SCEL: variants seen among roughly 807,000 people sequenced by gnomAD.
The protein encoded by SCEL is sciellin.
A neutral mutation model predicts 117.6 loss-of-function variants in SCEL; 113 were observed. The observed-to-expected ratio is 0.96, with a 90% CI of 0.83 to 1.12. The LOEUF is 1.12. Among genes scored for constraint, SCEL ranks in the 50% most tolerant of loss-of-function variants. The pLI is 0.00. For synonymous variants in SCEL, 270 were observed against 256.2 expected (o/e 1.05, Z -0.51); for missense variants, 785 against 810.8 (o/e 0.97, Z 0.39).
At chr13:77,609,277 A>G (rs1445382241) in intron 21 of SCEL, among the ~76,000 whole-genome samples, 160 bp downstream of exon 21, 1 of 152,220 alleles carries the variant, frequency 6.6e-6, no homozygotes, top group Non-Finnish European at 1.5e-5. Flanking sequence ...ATTTTGGTCA[A>G]CCAATTTCTG....
At chr13:77,635,927 A>T (rs73231009) in intron 29 of SCEL, among the ~76,000 whole-genome samples, 25,193 of 152,158 alleles carry the variant, frequency 0.17, 2,426 homozygotes, top group East Asian at 0.45. Flanking sequence ...CAGGCCCAGC[A>T]ACCTGTGTTT....
chr13:77,607,491 A>C (rs1310964382), intron 19 of SCEL, among the ~76,000 whole-genome samples: 1 of 152,256 alleles, frequency 6.6e-6, no homozygotes, highest in Non-Finnish European at 1.5e-5. Flanking sequence ...CAAAATTCAT[A>C]ATTCTAACAC....
intron 6 of SCEL, 133 bp from the exon 7 acceptor site, chr13:77,568,161 TA>T (rs1367236091): frequency 2.7e-5 from 17 of 624,036 alleles, no homozygotes; most frequent in East Asian, 2.5e-4. Context: ...TGAAATTTAT[TA>T]AAATATGATG....
At chr13:77,593,295 T>TGTGTGCACGC (rs796907419) in intron 11 of SCEL, among the ~76,000 whole-genome samples, 3 of 136,784 alleles carry the variant, frequency 2.2e-5, no homozygotes, top group African/African-American at 8.4e-5. Flanking sequence ...TGTGTGTGTG[T>TGTGTGCACGC]GTCTGTGTGT....
At chr13:77,597,413 T>C in intron 12 of SCEL, 132 bp from the exon 13 acceptor site, 1 of 576,948 alleles carries the variant, frequency 1.7e-6, no homozygotes, top group Non-Finnish European at 3.1e-6. Context: ...GCTTTGAGGA[T>C]CATCAGGATT....
intron 12 of SCEL, among the ~76,000 whole-genome samples, chr13:77,593,895 C>T (rs540630410): frequency 1.2e-3 from 187 of 152,272 alleles, no homozygotes; most frequent in Non-Finnish European, 2.4e-3. Flanking sequence ...CCTAGCACCA[C>T]CCCTCAGGAT....
At chr13:77,631,493 T>C (rs957535214) in intron 28 of SCEL, among the ~76,000 whole-genome samples, 3 of 152,174 alleles carry the variant, frequency 2.0e-5, no homozygotes, top group Non-Finnish European at 2.9e-5. Context: ...GTTTAGTTCA[T>C]AGTATGGTAC....
chr13:77,566,070 T>C (rs2085271013), intron 5 of SCEL, among the ~76,000 whole-genome samples: 1 of 152,164 alleles, frequency 6.6e-6, no homozygotes, highest in African/African-American at 2.4e-5. Context: ...GGAATGGTGG[T>C]TTAGAGTTCT....
intron 31 of SCEL, among the ~76,000 whole-genome samples, chr13:77,641,160 C>G (rs1047858141): frequency 1.3e-5 from 2 of 152,156 alleles, no homozygotes; most frequent in Non-Finnish European, 2.9e-5. Context: ...AGAAAGCTAG[C>G]AGTTTCTTAC....
At chr13:77,591,498 A>G (rs1226040841) in intron 11 of SCEL, 38 bp downstream of exon 11, 12 of 1,127,928 alleles carry the variant, frequency 1.1e-5, no homozygotes, top group Middle Eastern at 2.1e-4. Flanking sequence ...TAACTGTAGT[A>G]ATGATAAAGT....
At chr13:77,613,414 C>T (rs2088808269) in intron 23 of SCEL, among the ~76,000 whole-genome samples, 1 of 152,066 alleles carries the variant, frequency 6.6e-6, no homozygotes. Flanking sequence ...AATTAAGATC[C>T]ATTATACACT....
intron 19 of SCEL, among the ~76,000 whole-genome samples, chr13:77,605,117 C>A (rs572766345): frequency 4.6e-4 from 70 of 152,258 alleles, no homozygotes; most frequent in African/African-American, 1.5e-3. Context: ...ATTTTTGAAA[C>A]TGAATTTGTT....
chr13:77,559,510 AAACACAACAC>A (rs5804911), intron 3 of SCEL, among the ~76,000 whole-genome samples: 16,500 of 151,244 alleles, frequency 0.11, 1,462 homozygotes, highest in East Asian at 0.43. Flanking sequence ...CAGTCTGATA[AAACACAACAC>A]AACACAACAC....
intron 9 of SCEL, among the ~76,000 whole-genome samples, chr13:77,575,544 C>T (rs1369572559): frequency 6.6e-6 from 1 of 152,032 alleles, no homozygotes; most frequent in Non-Finnish European, 1.5e-5. Context: ...ATTAGTTATG[C>T]AATAAGAGAG....
At chr13:77,560,049 A>G (rs571536351) in intron 4 of SCEL, among the ~76,000 whole-genome samples, 186 bp downstream of exon 4, 1 of 152,314 alleles carries the variant, frequency 6.6e-6, no homozygotes, top group South Asian at 2.1e-4. Context: ...CTCCAGAACC[A>G]TGACTTGGAG....
chr13:77,621,529 T>G (rs1423716727), intron 27 of SCEL, among the ~76,000 whole-genome samples: 1 of 152,246 alleles, frequency 6.6e-6, no homozygotes, highest in African/African-American at 2.4e-5. Context: ...AGCTGTCTTT[T>G]CTGGCCCATA....
intron 9 of SCEL, among the ~76,000 whole-genome samples, chr13:77,582,890 C>T (rs902407176): frequency 3.9e-5 from 6 of 152,012 alleles, no homozygotes; most frequent in Non-Finnish European, 8.8e-5. Flanking sequence ...TGAGTAGACT[C>T]GTTAGTAATG....
chr13:77,537,039 A>T (rs983712527), intron 1 of SCEL, among the ~76,000 whole-genome samples: 2 of 152,232 alleles, frequency 1.3e-5, no homozygotes, highest in East Asian at 1.9e-4. Flanking sequence ...TTCCTAATAT[A>T]TGTGGTGCTC....
In SCEL at chr13:77,645,024, T is replaced by G. The variant is rs1358220754; in HGVS notation, c.*750T>G. ...AGACTTAGTGTTTGAAAACTGTGTT[T>G]TAAAAACAGAAACAGATTGATGGGT... On this transcript the variant is annotated 3_prime_UTR_variant, in exon 33 of 33. Coordinates refer to ENST00000349847, the MANE Select transcript of SCEL (RefSeq NM_144777.3). 6.6e-6 allele frequency: 1 copy of G among 152,124 alleles called. No individual in the cohort carries two copies. Among genetic ancestry groups the G allele is most frequent in the Non-Finnish European group, 1.5e-5 (1 of 67,984 alleles). 9.4% of individuals were successfully genotyped at this position (152,124 alleles called of 1,614,324 possible).
Sources: allele counts gnomAD v4.1 joint callset (sites outside exome capture counted in the v4.1 genomes callset), GRCh38; gene constraint gnomAD v4.1.1; transcripts MANE v1.5; gene names NCBI Gene and HGNC (gene_info 2026-07-23, HGNC 2026-07-21).